RLBP1: variants seen among roughly 807,000 people sequenced by gnomAD.
The protein encoded by RLBP1 is retinaldehyde-binding protein 1.
A neutral mutation model predicts 36.2 loss-of-function variants in RLBP1; 26 were observed. That is an observed-to-expected ratio of 0.72 (90% CI 0.53 to 1.00). RLBP1 has a LOEUF of 1.00. RLBP1 is among the 50% of genes least tolerant of loss of function. The probability of loss-of-function intolerance (pLI) is 0.00; values close to 1 mark genes in which losing one functional copy is unlikely to be tolerated. For synonymous variants in RLBP1, 155 were observed against 156.2 expected, an observed-to-expected ratio of 0.99 and a Z score of 0.06; for missense variants, 410 against 402.4, an observed-to-expected ratio of 1.02 and a Z score of -0.16.
chr15:89,210,322 A>G lies in RLBP1; in HGVS notation c.917T>C (p.Phe306Ser), dbSNP rs768417830. Residue 306 changes from phenylalanine (F) to serine (S), a missense_variant, in exon 9 of 9, where the codon TTT (phenylalanine) becomes TCT (serine). Coordinates refer to ENST00000268125, the MANE Select transcript of RLBP1 (RefSeq NM_000326.5). The surrounding 1 kb of genome is among the most constrained non-coding windows in gnomAD (Gnocchi z 4.7). ...YDGKAVAEQL[F>S]GPQAQAENTA... ...GTTCTCAGCTTGGGCCTGGGGGCCA[A>G]AGAGCTGCTCAGCAACGGCCTTGCC... The G allele has an allele frequency of 6.2e-7, 1 of 1,614,236 alleles. No individual in the cohort carries two copies. Among genetic ancestry groups the G allele is most frequent in the Non-Finnish European group, 8.5e-7 (1 of 1,180,052 alleles).
chr15:89,212,623 C>T (rs1202611608), intron 6 of RLBP1, among the ~76,000 whole-genome samples: 187 of 122,316 alleles, frequency 1.5e-3, no homozygotes, highest in African/African-American at 6.4e-3. Context: ...TGTGTGTGTG[C>T]GCGTGTGTGT....
intron 1 of RLBP1, among the ~76,000 whole-genome samples, chr15:89,220,807 G>T (rs1567125135): frequency 1.3e-5 from 2 of 152,106 alleles, no homozygotes; most frequent in Admixed American, 6.6e-5. Flanking sequence ...CAAGATCCTA[G>T]ATTTTAGGAA....
rs3743383 is a variant in RLBP1, at chr15:89,219,171, C to T, written c.-100-96G>A. ...AATCACCCGAGGCATTTGTTAGAAA[C>T]GCAGGTGCCTGGGTCCCAACCTCCA... On this transcript the variant is annotated intron_variant, in intron 2 of 8. Transcript: ENST00000268125. The T allele has an allele frequency of 0.024, 15,943 of 677,040 alleles. 1,501 individuals are homozygous for T. The highest frequency in any genetic ancestry group is 0.22 in the African/African-American group (12,479 of 56,440). 41.9% of individuals were successfully genotyped at this position (677,040 alleles called of 1,614,324 possible).
chr15:89,221,218 A>G (rs1278964306), intron 1 of RLBP1, among the ~76,000 whole-genome samples: 1 of 152,150 alleles, frequency 6.6e-6, no homozygotes, highest in Non-Finnish European at 1.5e-5. Flanking sequence ...CATGTTGGCC[A>G]GGCTGGTCTC....
Position 89,210,487 on chromosome 15 carries a change from C to A in RLBP1, c.796-44G>T. ...GACAGAACTGAGCAGGAGGAGGTGCCCTAAGGATGAGGGTTGAGGGAGGAA... is the reference window on the plus strand; with the variant it reads ...GACAGAACTGAGCAGGAGGAGGTGCACTAAGGATGAGGGTTGAGGGAGGAA... On this transcript the variant is annotated intron_variant, in intron 8 of 8. Transcript: ENST00000268125. This position sits in a 1 kb window ranked among gnomAD's most constrained non-coding sequence, Gnocchi z 4.7. 5.0e-6 allele frequency: 8 copies of A among 1,610,068 alleles called. No individual in the cohort carries two copies. The highest frequency in any genetic ancestry group is 6.8e-6 in the Non-Finnish European group (8 of 1,176,706).
Position 89,211,624 on chromosome 15 carries a change from T to A in RLBP1, c.684+119A>T. The A allele has an allele frequency of 1.0e-6, 1 of 1,000,634 alleles. No homozygotes were observed. The highest frequency in any genetic ancestry group is 1.5e-6 in the Non-Finnish European group (1 of 660,780). 62.0% of individuals were successfully genotyped at this position (1,000,634 alleles called of 1,614,324 possible). A position where few individuals can be genotyped will look rare whatever the true frequency, so the allele number is the denominator to read the frequency against. On this transcript the variant is annotated intron_variant, in intron 7 of 8. Transcript: ENST00000268125. This position sits in a 1 kb window ranked among gnomAD's most constrained non-coding sequence, Gnocchi z 5.8. ...TGGTTGGGACTGTGGCTGTCACTGCTCTTTATGGCGCGAGGTGGTCCAACT... is the reference window on the plus strand; with the variant it reads ...TGGTTGGGACTGTGGCTGTCACTGCACTTTATGGCGCGAGGTGGTCCAACT...
rs1056786529 is a variant in RLBP1 at position 89,214,658 on chromosome 15, T to C, written c.525+402A>G. 1.3e-5 allele frequency among the ~76,000 whole-genome samples: 2 copies of C among 152,140 alleles called. No individual in the cohort carries two copies. Among genetic ancestry groups the C allele is most frequent in the Admixed American group, 6.5e-5 (1 of 15,280 alleles). ...TGCGAGCACAAAGAACTCGGGCTCC[T>C]AAATAGATTGGAACCTGTGCTTTCC... On this transcript the variant is annotated intron_variant, in intron 6 of 8. Transcript: ENST00000268125. This position sits in a 1 kb window ranked among gnomAD's most constrained non-coding sequence, Gnocchi z 4.6.
At position 89,214,622 on chromosome 15, in the gene RLBP1, G is replaced by A. The variant is rs539448612; in HGVS notation, c.525+438C>T. On this transcript the variant is annotated intron_variant, in intron 6 of 8. Transcript: ENST00000268125. This position sits in a 1 kb window ranked among gnomAD's most constrained non-coding sequence, Gnocchi z 4.6. ...TAACGGCTCAGACAAGCAAAATTGC[G>A]TACACAATTTTGCGAGCACAAAGAA... Among the ~76,000 whole-genome samples, 37 of 111,178 alleles carry A rather than the reference G, an allele frequency of 3.3e-4. No individual in the cohort carries two copies. The highest frequency in any genetic ancestry group is 5.1e-4 in the Non-Finnish European group (29 of 56,752). 72.9% of individuals were successfully genotyped at this position (111,178 alleles called of 152,430 possible).
In RLBP1 at chr15:89,217,290, C is replaced by T. The variant is rs201370327; in HGVS notation, c.176G>A (p.Arg59Gln). 1.7e-5 allele frequency: 27 copies of T among 1,608,132 alleles called. No homozygotes were observed. Among genetic ancestry groups the T allele is most frequent in the South Asian group, 1.1e-5 (1 of 91,092 alleles). The change falls in exon 5 of 9, where the codon CGG becomes CAG. Residue 59 changes from arginine (R) to glutamine (Q), a missense_variant. Transcript: ENST00000268125. ...CTGCAGCTCTCGCACTGCCTCCTCC[C>T]GGGTCTCCTCTCTCTCGTTCAGCTC... ...KDELNEREETREEAVRELQEM... is the reference protein window; with the variant it reads ...KDELNEREETQEEAVRELQEM...
rs1472363990 is a variant in RLBP1, at chr15:89,210,162, G to A, written c.*123C>T. The A allele has an allele frequency of 2.7e-5, 30 of 1,125,544 alleles. No individual in the cohort carries two copies. Among genetic ancestry groups the A allele is most frequent in the East Asian group, 7.1e-5 (3 of 42,550 alleles). The allele number at this position is 1,125,544 out of a possible 1,614,324, so 69.7% of individuals were successfully genotyped here. On this transcript the variant is annotated 3_prime_UTR_variant, in exon 9 of 9. Coordinates refer to ENST00000268125, the MANE Select transcript of RLBP1 (RefSeq NM_000326.5). This position sits in a 1 kb window ranked among gnomAD's most constrained non-coding sequence, Gnocchi z 4.7. ...AACAGGGTGACACCTGAGCTCACTC[G>A]GGCTTAGGGAGTCTAAGGGGGGACC... is the stretch of plus-strand genomic sequence containing the variant.
chr15:89,220,009 C>T (rs2051613975), intron 1 of RLBP1, 150 bp from the exon 2 acceptor site: 1 of 152,274 alleles, frequency 6.6e-6, no homozygotes, highest in South Asian at 2.1e-4. Flanking sequence ...GGTTTTCTCT[C>T]CTGCCTAAAT....
Position 89,210,671 on chromosome 15 carries a change from T to G in RLBP1, c.795+28A>C. The G allele has an allele frequency of 6.7e-7, 1 of 1,502,994 alleles. No homozygotes were observed. The highest frequency in any genetic ancestry group is 1.4e-5 in the African/African-American group (1 of 72,546). 93.1% of individuals were successfully genotyped at this position (1,502,994 alleles called of 1,614,324 possible). On this transcript the variant is annotated intron_variant, in intron 8 of 8. Coordinates refer to ENST00000268125, the MANE Select transcript of RLBP1 (RefSeq NM_000326.5). The surrounding 1 kb of genome is among the most constrained non-coding windows in gnomAD (Gnocchi z 4.7). The stretch of plus-strand genomic sequence containing the variant: ...AGGCCCCACCCTCAGCCCTCTTGTC[T>G]CATTGTCTGGGCGGCCCACGTACTC...
chr15:89,211,080 G>T lies in RLBP1; in HGVS notation c.685-271C>A, dbSNP rs144986240. Among the ~76,000 whole-genome samples the T allele has an allele frequency of 1.5e-3, 222 of 152,324 alleles. No individual in the cohort carries two copies. The highest frequency in any genetic ancestry group is 5.6e-3 in the East Asian group (29 of 5,186). On this transcript the variant is annotated intron_variant, in intron 7 of 8. Transcript: ENST00000268125. The surrounding 1 kb of genome is among the most constrained non-coding windows in gnomAD (Gnocchi z 5.8). ...CAAATTAAACTGGGAATTAGGAAAA[G>T]AAATGAAAGTAGCCTTGCTTGACCT...
At position 89,214,498 on chromosome 15, in the gene RLBP1, G is replaced by GTT. The variant is rs35544184; in HGVS notation, c.525+560_525+561dup. ...AATAAAATAAAATAAGTTTGTAGCA[G>GTT]TTTTTTTTTTAAATTAAAGGAATCT... On this transcript the variant is annotated intron_variant, in intron 6 of 8. Transcript: ENST00000268125. This position sits in a 1 kb window ranked among gnomAD's most constrained non-coding sequence, Gnocchi z 4.6. Among the ~76,000 whole-genome samples the GTT allele has an allele frequency of 6.8e-4, 102 of 150,702 alleles. No individual in the cohort carries two copies. The highest frequency in any genetic ancestry group is 1.1e-3 in the Non-Finnish European group (76 of 67,554).
intron 6 of RLBP1, among the ~76,000 whole-genome samples, chr15:89,212,947 G>A (rs2051550940): frequency 6.6e-6 from 1 of 151,952 alleles, no homozygotes; most frequent in Non-Finnish European, 1.5e-5. Context: ...TGGCCAGGCT[G>A]GACTCGAACT....
At chr15:89,213,315 A>G (rs1366549388) in intron 6 of RLBP1, among the ~76,000 whole-genome samples, 1 of 152,126 alleles carries the variant, frequency 6.6e-6, no homozygotes, top group Non-Finnish European at 1.5e-5. Context: ...GTGGAAAGGG[A>G]GAAGAAAAAC....
At position 89,218,488 on chromosome 15, in the gene RLBP1, C is replaced by T. The variant is rs1218873071; in HGVS notation, c.141+77G>A. 4 of 1,603,830 alleles carry T rather than the reference C, an allele frequency of 2.5e-6. No homozygotes were observed. The African/African-American group carries it at 4.0e-5, about 16-fold the overall frequency. ...GAGTGCCGAGGCTGGACCCTTTTCA[C>T]AGGAGAGAGAATGCAGTCATGTTCC... On this transcript the variant is annotated intron_variant, in intron 4 of 8. Coordinates refer to ENST00000268125, the MANE Select transcript of RLBP1 (RefSeq NM_000326.5). This position sits in a 1 kb window ranked among gnomAD's most constrained non-coding sequence, Gnocchi z 4.6.
In RLBP1 at chr15:89,218,475, T is replaced by A; in HGVS notation, c.141+90A>T. On this transcript the variant is annotated intron_variant, in intron 4 of 8. Transcript: ENST00000268125. The surrounding 1 kb of genome is among the most constrained non-coding windows in gnomAD (Gnocchi z 4.6). ...CCAGGATGATCTGGAGTGCCGAGGC[T>A]GGACCCTTTTCACAGGAGAGAGAAT... 1 of 1,587,286 alleles carries A rather than the reference T, an allele frequency of 6.3e-7. No individual in the cohort carries two copies. Among genetic ancestry groups the A allele is most frequent in the Non-Finnish European group, 8.6e-7 (1 of 1,159,734 alleles).
rs1567124847 is a variant in RLBP1 at position 89,219,795 on chromosome 15, C to G, written c.-159G>C. ...AGCCTGCTGTGGCGCAAAAGTTGGA[C>G]CTGGGTTCAAGTTCTTCTCTTCCAC... On this transcript the variant is annotated 5_prime_UTR_variant, in exon 2 of 9. Transcript: ENST00000268125. 1 of 152,334 alleles carries G rather than the reference C, an allele frequency of 6.6e-6. No homozygotes were observed. Among genetic ancestry groups the G allele is most frequent in the Non-Finnish European group, 1.5e-5 (1 of 68,166 alleles). The allele number at this position is 152,334 out of a possible 1,614,324, so 9.4% of individuals were successfully genotyped here.
Sources: gnomAD v4.1 joint callset for allele counts (sites outside exome capture counted in the v4.1 genomes callset) on GRCh38, gnomAD v4.1.1 for gene constraint, Gnocchi (gnomAD v3.1) non-coding constraint, MANE v1.5 for transcripts, NCBI Gene and HGNC (gene_info 2026-07-23, HGNC 2026-07-21) for gene names.